The following STX18 variants were observed in gnomAD, a reference collection of about 807,000 sequenced individuals.
STX18 encodes the protein syntaxin-18.
A neutral mutation model predicts 50.1 loss-of-function variants in STX18; 40 were observed. The ratio of observed to expected loss-of-function variants is 0.80; its 90% CI spans 0.62 to 1.04. The LOEUF is 1.04. Among genes scored for constraint, STX18 ranks in the 50% least tolerant of loss-of-function variants. The pLI is 0.00. For synonymous variants in STX18, 158 were observed against 151.8 expected (o/e 1.04, Z -0.30); for missense variants, 410 against 415.8 (o/e 0.99, Z 0.12).
intron 1 of STX18, among the ~76,000 whole-genome samples, chr4:4,484,972 C>T (rs1275510201): frequency 1.3e-5 from 2 of 152,198 alleles, no homozygotes; most frequent in South Asian, 2.1e-4. Flanking sequence ...CCCAAGGATC[C>T]GACCCAACTT....
At chr4:4,535,470 A>G (rs1731287429) in intron 1 of STX18, among the ~76,000 whole-genome samples, 1 of 152,134 alleles carries the variant, frequency 6.6e-6, no homozygotes, top group Non-Finnish European at 1.5e-5. Flanking sequence ...AAGCTAAAAC[A>G]GGCCCTGGAG....
At chr4:4,458,679 C>T (rs866225696) in intron 3 of STX18, among the ~76,000 whole-genome samples, 1 of 152,178 alleles carries the variant, frequency 6.6e-6, no homozygotes, top group African/African-American at 2.4e-5. Context: ...AGATAATAAG[C>T]GCTCTTGTGC....
chr4:4,522,300 C>A (rs1035244609), intron 1 of STX18, among the ~76,000 whole-genome samples: 1 of 152,096 alleles, frequency 6.6e-6, no homozygotes, highest in African/African-American at 2.4e-5. Context: ...ATACTCACAC[C>A]CTGAATACTG....
In STX18 at chr4:4,420,245, C is replaced by T. The variant is rs772921612; in HGVS notation, c.913-116G>A. ...TGATCCTGGCTGTAACTATGGGTGT[C>T]GTTCCATCTGTGCTTACCTTGAATA... On this transcript the variant is annotated intron_variant, in intron 10 of 10. Transcript: ENST00000306200. This position sits in a 1 kb window ranked among gnomAD's most constrained non-coding sequence, Gnocchi z 4.3. 2.7e-5 allele frequency: 21 copies of T among 768,934 alleles called. No individual in the cohort carries two copies. Among genetic ancestry groups the T allele is most frequent in the Admixed American group, 6.5e-5 (3 of 46,336 alleles). 47.6% of individuals were successfully genotyped at this position (768,934 alleles called of 1,614,324 possible).
chr4:4,459,457 T>C lies in STX18; in HGVS notation c.267A>G (p.Thr89=). ...GGTCTATCTGGTCTCGTTCTGTGTCTGTCATCCTCCCATATTCAGACATGG... is the reference window on the plus strand; with the variant it reads ...GGTCTATCTGGTCTCGTTCTGTGTCCGTCATCCTCCCATATTCAGACATGG... ...SHTMSEYGRM[T]DTERDQIDQD... is the part of the protein sequence containing the mutation. The change falls in exon 3 of 11, where the codon ACA becomes ACG. Residue 89 remains threonine (T), a synonymous_variant. Coordinates refer to ENST00000306200, the MANE Select transcript of STX18 (RefSeq NM_016930.4). The C allele has an allele frequency of 6.2e-7, 1 of 1,614,100 alleles. No individual in the cohort carries two copies. The highest frequency in any genetic ancestry group is 1.1e-5 in the South Asian group (1 of 91,072).
intron 9 of STX18, among the ~76,000 whole-genome samples, chr4:4,421,148 C>A (rs1037581783): frequency 6.6e-6 from 1 of 152,146 alleles, no homozygotes; most frequent in African/African-American, 2.4e-5. Flanking sequence ...TATATCATGA[C>A]AAGAACAGTA....
chr4:4,430,821 G>C (rs1255075744), intron 7 of STX18, among the ~76,000 whole-genome samples: 1 of 152,176 alleles, frequency 6.6e-6, no homozygotes, highest in African/African-American at 2.4e-5. Context: ...TCCAGCGCTT[G>C]AGACAATTCT....
At chr4:4,496,676 C>T (rs1433484631) in intron 1 of STX18, among the ~76,000 whole-genome samples, 1 of 152,112 alleles carries the variant, frequency 6.6e-6, no homozygotes, top group Non-Finnish European at 1.5e-5. Flanking sequence ...ATGGTGCTGC[C>T]CAATCCAACT....
intron 1 of STX18, among the ~76,000 whole-genome samples, chr4:4,525,165 C>A (rs948351325): frequency 1.3e-5 from 2 of 151,786 alleles, no homozygotes; most frequent in African/African-American, 4.8e-5. Context: ...TTTGAAAAGG[C>A]CTTTATGAGA....
chr4:4,459,554 G>A (rs1263340447), intron 2 of STX18, 67 bp from the exon 3 acceptor site: 7 of 1,215,158 alleles, frequency 5.8e-6, no homozygotes, highest in Non-Finnish European at 8.5e-6. Context: ...AGTGGGATGG[G>A]AAGAGAAGAA....
chr4:4,420,023 C>A lies in STX18; in HGVS notation c.*11G>T, dbSNP rs368867593. 17 of 1,605,218 alleles carry A rather than the reference C, an allele frequency of 1.1e-5. No individual in the cohort carries two copies. Among genetic ancestry groups the A allele is most frequent in the Non-Finnish European group, 1.4e-5 (16 of 1,175,890 alleles). On this transcript the variant is annotated 3_prime_UTR_variant, in exon 11 of 11. Coordinates refer to ENST00000306200, the MANE Select transcript of STX18 (RefSeq NM_016930.4). The surrounding 1 kb of genome is among the most constrained non-coding windows in gnomAD (Gnocchi z 4.3). Reference sequence around the variant, plus strand: ...CATGAGGACTCTCGTGCTGGGCCCCCGTGGCCCTGGCTAGCTGTCGTACCA... The same window carrying A: ...CATGAGGACTCTCGTGCTGGGCCCCAGTGGCCCTGGCTAGCTGTCGTACCA...
chr4:4,480,867 G>A (rs1380555517), intron 1 of STX18, among the ~76,000 whole-genome samples: 1 of 152,166 alleles, frequency 6.6e-6, no homozygotes, highest in African/African-American at 2.4e-5. Context: ...GGAATCAAAG[G>A]ATTAATAAAG....
At position 4,502,946 on chromosome 4, in the gene STX18, C is replaced by A. The variant is rs1285965360; in HGVS notation, c.169-31240G>T. Among the ~76,000 whole-genome samples, 4 of 152,286 alleles carry A rather than the reference C, an allele frequency of 2.6e-5. No individual in the cohort carries two copies. The East Asian group carries it at 7.7e-4, about 29-fold the overall frequency. On this transcript the variant is annotated intron_variant, in intron 1 of 10. Coordinates refer to ENST00000306200, the MANE Select transcript of STX18 (RefSeq NM_016930.4). Reference sequence around the variant, plus strand: ...TGCTGCGCTGTCCCGGATATAAAAACCTCAAACAAAACAACGCTCAGAAAT... The same window carrying A: ...TGCTGCGCTGTCCCGGATATAAAAAACTCAAACAAAACAACGCTCAGAAAT...
chr4:4,447,871 C>T (rs1020089232), intron 5 of STX18, among the ~76,000 whole-genome samples: 4 of 152,042 alleles, frequency 2.6e-5, no homozygotes, highest in East Asian at 1.9e-4. Context: ...AGATGCAGAC[C>T]GATGGAGGAA....
intron 1 of STX18, among the ~76,000 whole-genome samples, chr4:4,480,636 T>C (rs1421807946): frequency 6.6e-6 from 1 of 152,218 alleles, no homozygotes; most frequent in Non-Finnish European, 1.5e-5. Flanking sequence ...ATGCTCCACA[T>C]GGGATTTTCT....
chr4:4,478,235 AAC>A (rs1476119488), intron 1 of STX18, among the ~76,000 whole-genome samples: 5,207 of 149,706 alleles, frequency 0.035, 119 homozygotes, highest in Non-Finnish European at 0.044. Flanking sequence ...AAAAAAAAAA[AAC>A]AAAAACGTTT....
chr4:4,443,196 T>C (rs1453124078), intron 5 of STX18, among the ~76,000 whole-genome samples: 1 of 152,214 alleles, frequency 6.6e-6, no homozygotes, highest in Non-Finnish European at 1.5e-5. Context: ...GATATAACAA[T>C]AATATGAAAA....
intron 5 of STX18, among the ~76,000 whole-genome samples, chr4:4,445,066 T>C (rs146208572): frequency 9.1e-4 from 138 of 152,266 alleles, no homozygotes; most frequent in African/African-American, 3.1e-3. Context: ...ACTACTGTTA[T>C]TCACATATGG....
At chr4:4,498,051 A>C (rs1729262585) in intron 1 of STX18, among the ~76,000 whole-genome samples, 2 of 152,172 alleles carry the variant, frequency 1.3e-5, no homozygotes, top group South Asian at 4.1e-4. Flanking sequence ...CTTCGTACTA[A>C]AAACAGTCAC....
Sources: allele counts gnomAD v4.1 joint callset (sites outside exome capture counted in the v4.1 genomes callset), GRCh38; gene constraint gnomAD v4.1.1; non-coding constraint Gnocchi (gnomAD v3.1); transcripts MANE v1.5; gene names NCBI Gene and HGNC (gene_info 2026-07-23, HGNC 2026-07-21).